The following TRAPPC9 variants were observed in gnomAD, a reference collection of about 807,000 sequenced individuals.
TRAPPC9 encodes trafficking protein particle complex subunit 9, also known as IKK2 binding protein.
Under a neutral mutation model 124.0 loss-of-function variants are expected in TRAPPC9, and 83 were observed. That is an observed-to-expected ratio of 0.67 (90% CI 0.56 to 0.80). The LOEUF (loss-of-function observed/expected upper bound fraction) is 0.80. Ranked by LOEUF, TRAPPC9 falls within the 30% of genes least tolerant of loss-of-function variation. The probability of loss-of-function intolerance (pLI) is 0.00; values close to 1 mark genes in which losing one functional copy is unlikely to be tolerated. For synonymous variants in TRAPPC9, 638 were observed against 617.5 expected (o/e 1.03, Z -0.49); for missense variants, 1,302 against 1,508.3 (o/e 0.86, Z 2.27).
chr8:139,930,856 C>G (rs937844970), intron 19 of TRAPPC9, among the ~76,000 whole-genome samples: 1 of 152,112 alleles, frequency 6.6e-6, no homozygotes, highest in Admixed American at 6.5e-5. Flanking sequence ...GATGAAATCA[C>G]GACGACAGCA....
chr8:139,817,537 C>G (rs1470609979), intron 21 of TRAPPC9, among the ~76,000 whole-genome samples: 1 of 152,244 alleles, frequency 6.6e-6, no homozygotes, highest in African/African-American at 2.4e-5. Context: ...CGCAGCGTGC[C>G]CTCCTGGTCT....
At chr8:140,338,773 GA>G (rs2067113530) in intron 9 of TRAPPC9, among the ~76,000 whole-genome samples, 1 of 128,456 alleles carries the variant, frequency 7.8e-6, no homozygotes, top group Non-Finnish European at 1.6e-5. Context: ...AGGCCGACAG[GA>G]AACGGCTCAG....
chr8:140,214,152 G>A (rs1309924723), intron 17 of TRAPPC9, among the ~76,000 whole-genome samples: 3 of 152,210 alleles, frequency 2.0e-5, no homozygotes, highest in Non-Finnish European at 4.4e-5. Context: ...GCCCCAGTCC[G>A]TGATGTGGGC....
intron 17 of TRAPPC9, among the ~76,000 whole-genome samples, chr8:140,114,509 A>G (rs2060842459): frequency 6.6e-6 from 1 of 152,204 alleles, no homozygotes; most frequent in Non-Finnish European, 1.5e-5. Context: ...GATCAGAAAG[A>G]TGACATTAAT....
chr8:140,452,236 T>C (rs1477371144), intron 1 of TRAPPC9, among the ~76,000 whole-genome samples: 6 of 151,122 alleles, frequency 4.0e-5, no homozygotes, highest in Non-Finnish European at 8.8e-5. Context: ...CTGGCTAACA[T>C]GGTGAAACCC....
intron 17 of TRAPPC9, among the ~76,000 whole-genome samples, chr8:140,174,000 C>T (rs766714764): frequency 7.9e-5 from 12 of 152,074 alleles, no homozygotes; most frequent in African/African-American, 2.2e-4. Context: ...AGATGACACA[C>T]GGCAGGAGCC....
At chr8:140,170,581 C>T (rs1223742429) in intron 17 of TRAPPC9, among the ~76,000 whole-genome samples, 1 of 152,178 alleles carries the variant, frequency 6.6e-6, no homozygotes, top group African/African-American at 2.4e-5. Flanking sequence ...ACATCCCACT[C>T]TGGTCTATAA....
intron 9 of TRAPPC9, among the ~76,000 whole-genome samples, chr8:140,317,889 AG>A (rs1338781586): frequency 4.6e-5 from 7 of 152,234 alleles, no homozygotes; most frequent in Non-Finnish European, 1.0e-4. Context: ...AAGTGGGGAA[AG>A]GCATTATGAT....
chr8:140,107,528 C>T (rs997251585), intron 17 of TRAPPC9, among the ~76,000 whole-genome samples: 3 of 152,168 alleles, frequency 2.0e-5, no homozygotes, highest in Middle Eastern at 3.2e-3. Flanking sequence ...GTAGCCAAGC[C>T]GTCCAGAATT....
rs575186158 is a variant in TRAPPC9 at position 139,942,547 on chromosome 8, T to G, written c.2811-32247A>C. On this transcript the variant is annotated intron_variant, in intron 19 of 22. Coordinates refer to ENST00000438773, the MANE Select transcript of TRAPPC9 (RefSeq NM_001160372.4). ...ACAAGAGTTCCACAGTCAGATAAAC[T>G]GGGGAAGCGTGAAAGTTGGAAAAGT... Among the ~76,000 whole-genome samples, 22 of 152,254 alleles carry G rather than the reference T, an allele frequency of 1.4e-4. No individual in the cohort carries two copies. The South Asian group carries it at 3.3e-3, about 23-fold the overall frequency.
At chr8:140,375,578 T>A (rs193112695) in intron 7 of TRAPPC9, among the ~76,000 whole-genome samples, 42 of 152,278 alleles carry the variant, frequency 2.8e-4, no homozygotes, top group African/African-American at 7.0e-4. Flanking sequence ...CATCTGCATA[T>A]CCCTAAGAAA....
At chr8:140,235,401 A>G (rs2131396568) in intron 16 of TRAPPC9, among the ~76,000 whole-genome samples, 1 of 152,398 alleles carries the variant, frequency 6.6e-6, no homozygotes, top group South Asian at 2.1e-4. Flanking sequence ...CTCATAGCTG[A>G]CAATGGACTA....
intron 17 of TRAPPC9, among the ~76,000 whole-genome samples, chr8:140,198,376 G>A (rs775261133): frequency 6.6e-6 from 1 of 152,036 alleles, no homozygotes; most frequent in Non-Finnish European, 1.5e-5. Flanking sequence ...TCCCTGAACC[G>A]CTCCTAAGAT....
rs569740128 is a variant in TRAPPC9, at chr8:139,840,552, G to T, written c.3055+45327C>A. ...CAAATTGGAGGTCGGCGAGGGTAGC[G>T]TGTTCCTGGAGAACAGACCAGAAAC... is the stretch of plus-strand genomic sequence containing the variant. On this transcript the variant is annotated intron_variant, in intron 21 of 22. Coordinates refer to ENST00000438773, the MANE Select transcript of TRAPPC9 (RefSeq NM_001160372.4). Among the ~76,000 whole-genome samples the T allele has an allele frequency of 5.3e-5, 8 of 152,210 alleles. No homozygotes were observed. In the South Asian group the frequency reaches 8.3e-4, roughly 16 times the overall value.
intron 17 of TRAPPC9, among the ~76,000 whole-genome samples, chr8:140,107,084 A>T (rs2060680430): frequency 6.6e-6 from 1 of 152,114 alleles, no homozygotes. Flanking sequence ...CATGGCTTTA[A>T]ATTGGAGATT....
intron 21 of TRAPPC9, among the ~76,000 whole-genome samples, chr8:139,864,901 A>C (rs1828423245): frequency 6.6e-6 from 1 of 152,228 alleles, no homozygotes; most frequent in South Asian, 2.1e-4. Context: ...TGAGGAGAAT[A>C]AATATCACCA....
intron 21 of TRAPPC9, among the ~76,000 whole-genome samples, chr8:139,838,793 C>T (rs753506190): frequency 6.6e-6 from 1 of 152,172 alleles, no homozygotes; most frequent in Non-Finnish European, 1.5e-5. Flanking sequence ...CTAAATGAGG[C>T]CTGATGTCCA....
intron 6 of TRAPPC9, among the ~76,000 whole-genome samples, chr8:140,403,316 C>A (rs2069347274): frequency 6.6e-6 from 1 of 151,956 alleles, no homozygotes; most frequent in South Asian, 2.1e-4. Flanking sequence ...TGTAGTCCCG[C>A]TACTCAGGAG....
chr8:140,125,823 G>A (rs1475387304), intron 17 of TRAPPC9, among the ~76,000 whole-genome samples: 2 of 151,966 alleles, frequency 1.3e-5, no homozygotes, highest in East Asian at 1.9e-4. Context: ...AAACCTGCAT[G>A]TTTGAGAGAA....
Sources: allele counts gnomAD v4.1 joint callset (sites outside exome capture counted in the v4.1 genomes callset), GRCh38; gene constraint gnomAD v4.1.1; transcripts MANE v1.5; gene names NCBI Gene and HGNC (gene_info 2026-07-23, HGNC 2026-07-21).